PCLO: variants seen among roughly 807,000 people sequenced by gnomAD.
PCLO encodes protein piccolo.
PCLO carries 82 observed loss-of-function variants against 427.5 expected under a neutral mutation model. That is an observed-to-expected ratio of 0.19 (90% CI 0.16 to 0.23). PCLO has a LOEUF of 0.23. Ranked by LOEUF, PCLO falls within the 10% of genes least tolerant of loss-of-function variation. PCLO has a pLI of 1.00. For synonymous variants in PCLO, 2,357 were observed against 2,155.4 expected, an observed-to-expected ratio of 1.09 and a Z score of -2.59; for missense variants, 6,239 against 6,115.9, an observed-to-expected ratio of 1.02 and a Z score of -0.67.
intron 6 of PCLO, among the ~76,000 whole-genome samples, chr7:82,922,547 T>C (rs576621021): frequency 1.9e-3 from 288 of 152,052 alleles, no homozygotes; most frequent in Non-Finnish European, 2.6e-3. Flanking sequence ...TGAGTACACA[T>C]GGATACAAAG....
intron 10 of PCLO, among the ~76,000 whole-genome samples, chr7:82,848,332 A>ATTTTT (rs977004495): frequency 3.3e-5 from 4 of 120,238 alleles, no homozygotes; most frequent in Non-Finnish European, 6.9e-5. Context: ...TTTTTTTTTA[A>ATTTTT]ACAGGTCCCA....
intron 6 of PCLO, among the ~76,000 whole-genome samples, chr7:82,939,575 TA>T (rs1179967376): frequency 1.3e-5 from 2 of 151,182 alleles, no homozygotes; most frequent in Admixed American, 6.6e-5. Flanking sequence ...TATACATATA[TA>T]TTTTTTCCGC....
At chr7:82,940,755 C>CTTTTTTTTTTTTTTTTTTTTTTTT (rs71531190) in intron 6 of PCLO, among the ~76,000 whole-genome samples, 2 of 109,138 alleles carry the variant, frequency 1.8e-5, no homozygotes, top group Non-Finnish European at 1.8e-5. Flanking sequence ...TTTTTTCTTT[C>CTTTTTTTTTTTTTTTTTTTTTTTT]TTTTTTTTTT....
In PCLO at chr7:83,051,541, T is replaced by G. The variant is rs370425127; in HGVS notation, c.3300+82709A>C. 2.7e-3 allele frequency among the ~76,000 whole-genome samples: 411 copies of G among 152,274 alleles called. 2 individuals are homozygous for G. The highest frequency in any genetic ancestry group is 9.5e-3 in the African/African-American group (394 of 41,566). On this transcript the variant is annotated intron_variant, in intron 3 of 24. Coordinates refer to ENST00000333891, the MANE Select transcript of PCLO (RefSeq NM_033026.6). ...TAGAGGAAAACTATACAGCTCTAAT[T>G]AAGAAATTCTTCAAAAGATCTGAAT...
intron 6 of PCLO, among the ~76,000 whole-genome samples, chr7:82,937,196 C>T (rs1389915977): frequency 6.6e-6 from 1 of 151,642 alleles, no homozygotes; most frequent in Non-Finnish European, 1.5e-5. Context: ...TAAAAGGTAT[C>T]ATTACTGTCC....
chr7:82,924,965 G>C (rs1002224724), intron 6 of PCLO, among the ~76,000 whole-genome samples: 2 of 152,096 alleles, frequency 1.3e-5, no homozygotes, highest in African/African-American at 4.8e-5. Flanking sequence ...CCCTCTAACT[G>C]TACAAGAAAT....
chr7:82,862,665 T>A (rs1792990199), intron 10 of PCLO, among the ~76,000 whole-genome samples: 1 of 151,690 alleles, frequency 6.6e-6, no homozygotes, highest in Non-Finnish European at 1.5e-5. Context: ...GGGGTACTAT[T>A]CAGCCATAAA....
At chr7:83,073,094 T>C (rs1325658822) in intron 3 of PCLO, among the ~76,000 whole-genome samples, 4 of 152,016 alleles carry the variant, frequency 2.6e-5, no homozygotes, top group Non-Finnish European at 5.9e-5. Flanking sequence ...GTTCCAATTT[T>C]ATGTCCCTGC....
intron 3 of PCLO, among the ~76,000 whole-genome samples, chr7:83,095,984 CA>C (rs1275467030): frequency 6.6e-6 from 1 of 151,986 alleles, no homozygotes; most frequent in Non-Finnish European, 1.5e-5. Flanking sequence ...ATAAACAAAG[CA>C]TGTTCTTTCA....
chr7:82,999,337 AT>A (rs576630350), intron 3 of PCLO, among the ~76,000 whole-genome samples: 2,127 of 139,004 alleles, frequency 0.015, 67 homozygotes, highest in African/African-American at 0.053. Flanking sequence ...AAATATATCC[AT>A]ATATATTTAA....
chr7:82,931,378 C>A (rs186644739), intron 6 of PCLO, among the ~76,000 whole-genome samples: 72 of 152,206 alleles, frequency 4.7e-4, no homozygotes, highest in African/African-American at 1.7e-3. Context: ...TAAGGTATAA[C>A]AAATCACCTC....
chr7:83,028,859 C>A (rs1007479621), intron 3 of PCLO, among the ~76,000 whole-genome samples: 1 of 151,702 alleles, frequency 6.6e-6, no homozygotes, highest in Non-Finnish European at 1.5e-5. Flanking sequence ...CAATGGGTAA[C>A]GGATTCCCTA....
intron 3 of PCLO, among the ~76,000 whole-genome samples, chr7:82,972,256 TAAG>T (rs1795923820): frequency 6.6e-6 from 1 of 151,940 alleles, no homozygotes; most frequent in Non-Finnish European, 1.5e-5. Flanking sequence ...CCATTCATCT[TAAG>T]AAGGAAAGTA....
intron 2 of PCLO, among the ~76,000 whole-genome samples, chr7:83,153,015 C>T (rs977914292): frequency 6.6e-5 from 10 of 151,962 alleles, no homozygotes; most frequent in African/African-American, 2.2e-4. Context: ...CTGCATATTT[C>T]TGCCTTGTAA....
intron 6 of PCLO, among the ~76,000 whole-genome samples, chr7:82,924,057 C>T (rs562647369): frequency 6.6e-6 from 1 of 151,982 alleles, no homozygotes; most frequent in Non-Finnish European, 1.5e-5. Flanking sequence ...TGTCCTCAGG[C>T]AGAAAATCCT....
chr7:83,134,846 A>T lies in PCLO; in HGVS notation c.2704T>A (p.Ser902Thr), dbSNP rs1362424114. 6.2e-7 allele frequency: 1 copy of T among 1,611,630 alleles called. No homozygotes were observed. Among genetic ancestry groups the T allele is most frequent in the South Asian group, 1.1e-5 (1 of 90,816 alleles). ...CCCAGATTCAGACTGAAACGCCTTGACTGCTCCTGAGGCTTTGGGGACTGT... is the reference window on the plus strand; with the variant it reads ...CCCAGATTCAGACTGAAACGCCTTGTCTGCTCCTGAGGCTTTGGGGACTGT... The part of the protein sequence containing the change: ...PQQSPKPQEQ[S>T]RRFSLNLGSI... Residue 902 changes from serine to threonine, a missense_variant, in exon 3 of 25, where the codon TCA becomes ACA. This residue lies in a region of PCLO where 4,677 missense variants were observed against 4,468.4 expected (regional missense o/e 1.05). Transcript: ENST00000333891.
chr7:82,856,367 G>T (rs1792806046), intron 10 of PCLO, among the ~76,000 whole-genome samples: 1 of 152,144 alleles, frequency 6.6e-6, no homozygotes, highest in African/African-American at 2.4e-5. Flanking sequence ...CAACCTGTTA[G>T]AAGATTATCA....
chr7:82,970,466 T>C (rs1411621564), intron 3 of PCLO, among the ~76,000 whole-genome samples: 2 of 151,906 alleles, frequency 1.3e-5, no homozygotes, highest in Non-Finnish European at 2.9e-5. Flanking sequence ...ACAACAAGAT[T>C]ATCTGAGGAA....
chr7:82,810,570 A>G lies in PCLO; in HGVS notation c.14792-4741T>C, dbSNP rs1791548606. 1.3e-5 allele frequency among the ~76,000 whole-genome samples: 2 copies of G among 151,726 alleles called. 1 individual carries two copies. The highest frequency in any genetic ancestry group is 1.3e-4 in the Admixed American group (2 of 15,190). On this transcript the variant is annotated intron_variant, in intron 20 of 24. Coordinates refer to ENST00000333891, the MANE Select transcript of PCLO (RefSeq NM_033026.6). ...TCTTAGAACGTTGAATCATTTTTGTAACTCAATTAATTGAGGGGGCATTTC... is the reference window on the plus strand; with the variant it reads ...TCTTAGAACGTTGAATCATTTTTGTGACTCAATTAATTGAGGGGGCATTTC...
Sources: allele counts gnomAD v4.1 joint callset (sites outside exome capture counted in the v4.1 genomes callset), GRCh38; gene constraint gnomAD v4.1.1; regional missense constraint gnomAD v4.1.1; transcripts MANE v1.5; gene names NCBI Gene and HGNC (gene_info 2026-07-23, HGNC 2026-07-21).